MCM3AP: variants seen among roughly 807,000 people sequenced by gnomAD.
The protein encoded by MCM3AP is germinal-center associated nuclear protein.
A neutral mutation model predicts 184.1 loss-of-function variants in MCM3AP; 126 were observed. The ratio of observed to expected loss-of-function variants is 0.68; its 90% CI spans 0.59 to 0.79. The LOEUF is 0.79. MCM3AP is among the 30% of genes least tolerant of loss of function. The pLI is 0.00. For synonymous variants in MCM3AP, 1,002 were observed against 979.3 expected (o/e 1.02, Z -0.43); for missense variants, 2,496 against 2,479.2 (o/e 1.01, Z -0.14).
intron 17 of MCM3AP, among the ~76,000 whole-genome samples, chr21:46,255,334 G>A (rs552719810): frequency 2.5e-4 from 38 of 152,304 alleles, no homozygotes; most frequent in African/African-American, 9.1e-4. Context: ...AGGGCAGCGA[G>A]GGAGGGGTTG....
chr21:46,274,287 C>G (rs2081226543), intron 6 of MCM3AP, among the ~76,000 whole-genome samples: 1 of 152,218 alleles, frequency 6.6e-6, no homozygotes, highest in South Asian at 2.1e-4. Context: ...TGGGAAGATA[C>G]ATGGATAATG....
rs771411919 is a variant in MCM3AP, at chr21:46,240,932, C to G, written c.5512G>C (p.Glu1838Gln). ...HMHRNWKRST[E>Q]CAQEGRIPST... ...GGAATCCTCCCCTCTTGAGCACACT[C>G]TGTGCTCCTCTTCCAGTTACGGTGC... Residue 1838 changes from glutamate (E) to glutamine (Q), a missense_variant, in exon 26 of 28, where the codon GAG (glutamate) becomes CAG (glutamine). Glu to Gln is a conservative substitution (Grantham distance 29). This residue lies in a region of MCM3AP where 1,323 missense variants were observed against 1,273.4 expected (regional missense o/e 1.04). Coordinates refer to ENST00000291688, the MANE Select transcript of MCM3AP (RefSeq NM_003906.5). 10 of 1,613,062 alleles carry G rather than the reference C, an allele frequency of 6.2e-6. No individual in the cohort carries two copies. The highest frequency in any genetic ancestry group is 1.3e-5 in the African/African-American group (1 of 74,920).
At position 46,248,075 on chromosome 21, in the gene MCM3AP, G is replaced by A. The variant is rs1433964203; in HGVS notation, c.4291-1189C>T. On this transcript the variant is annotated intron_variant, in intron 20 of 27. Coordinates refer to ENST00000291688, the MANE Select transcript of MCM3AP (RefSeq NM_003906.5). ...CAATCCCTGGGTTAGGGAAGCAGAG[G>A]ATGCCATACCTAAAGGCTGCAGATG... Among the ~76,000 whole-genome samples the A allele has an allele frequency of 5.9e-5, 9 of 152,190 alleles. 1 individual carries two copies.
In MCM3AP at chr21:46,254,498, G is replaced by A; in HGVS notation, c.4030C>T (p.Pro1344Ser). ...GGGAGGTGCTCAGCCACGAGGGATG[G>A]CAGGTCCAGAGACGCCCATGCCACA... Reference protein sequence around the residue: ...SDVAWASLDLPSLVAEHLPGR... With the variant: ...SDVAWASLDLSSLVAEHLPGR... Residue 1344 changes from proline to serine, a missense_variant, in exon 19 of 28, where the codon CCA becomes TCA. Physicochemically the swap from Pro to Ser is moderately conservative, Grantham distance 74 (BLOSUM62 -1). Transcript: ENST00000291688. The A allele has an allele frequency of 6.2e-7, 1 of 1,614,130 alleles. No individual in the cohort carries two copies.
chr21:46,270,664 T>G (rs191221349), intron 8 of MCM3AP, 101 bp from the exon 9 acceptor site: 2 of 1,034,510 alleles, frequency 1.9e-6, no homozygotes, highest in Non-Finnish European at 1.4e-6. Context: ...ACTGGCCAGA[T>G]GCAGTGGCTC....
intron 9 of MCM3AP, among the ~76,000 whole-genome samples, chr21:46,268,589 G>A (rs895706243): frequency 7.2e-5 from 11 of 152,244 alleles, no homozygotes; most frequent in Non-Finnish European, 5.9e-5. Flanking sequence ...TGGAGACAGC[G>A]CCGTGCGGCT....
At chr21:46,236,738 C>G (rs1009741524) in intron 27 of MCM3AP, 91 bp downstream of exon 27, 4 of 886,494 alleles carry the variant, frequency 4.5e-6, no homozygotes, top group African/African-American at 3.5e-5. Context: ...ATCAAAACAT[C>G]ATAGGATAAA....
rs1301778481 is a variant in MCM3AP, at chr21:46,237,494, T to G, written c.5634-515A>C. Among the ~76,000 whole-genome samples the G allele has an allele frequency of 5.7e-5, 3 of 52,306 alleles. 1 individual carries two copies. Among genetic ancestry groups the G allele is most frequent in the African/African-American group, 2.7e-4 (3 of 11,138 alleles). The allele number at this position is 52,306 out of a possible 152,430, so 34.3% of individuals were successfully genotyped here. Reference sequence around the variant, plus strand: ...ATCTTGGCTCACTGCAACCTTGACCTCCCAAGCTCAAATGATCTCACCTCA... The same window carrying G: ...ATCTTGGCTCACTGCAACCTTGACCGCCCAAGCTCAAATGATCTCACCTCA... On this transcript the variant is annotated intron_variant, in intron 26 of 27. Coordinates refer to ENST00000291688, the MANE Select transcript of MCM3AP (RefSeq NM_003906.5).
At chr21:46,250,282 T>C (rs1311166304) in intron 20 of MCM3AP, 1 of 152,148 alleles carries the variant, frequency 6.6e-6, no homozygotes, top group Non-Finnish European at 1.5e-5. Flanking sequence ...AGTGTAGCTA[T>C]CCCGGGAAGA....
intron 20 of MCM3AP, chr21:46,249,539 G>A (rs1012170223): frequency 9.0e-6 from 4 of 444,482 alleles, no homozygotes; most frequent in Non-Finnish European, 1.8e-5. Context: ...AAACTATGAA[G>A]CAAATGTCAG....
At chr21:46,279,942 G>T in intron 4 of MCM3AP, 51 bp downstream of exon 4, 1 of 1,559,094 alleles carries the variant, frequency 6.4e-7, no homozygotes, top group Non-Finnish European at 8.7e-7. Flanking sequence ...GCTATAGGGC[G>T]CTATTTCCTG....
At chr21:46,258,828 C>T in intron 16 of MCM3AP, 111 bp downstream of exon 16, 1 of 1,163,282 alleles carries the variant, frequency 8.6e-7, no homozygotes, top group Non-Finnish European at 1.3e-6. Flanking sequence ...ATAACATTTT[C>T]CCTCATCCTT....
At position 46,266,104 on chromosome 21, in the gene MCM3AP, G is replaced by A. The variant is rs764015154; in HGVS notation, c.2852C>T (p.Ser951Leu). 21 of 1,612,402 alleles carry A rather than the reference G, an allele frequency of 1.3e-5. No homozygotes were observed. Among genetic ancestry groups the A allele is most frequent in the East Asian group, 2.2e-5 (1 of 44,866 alleles). The stretch of plus-strand genomic sequence containing the variant: ...CGTCAGCTTCCTAGTAATAAACACC[G>A]ACTTCCTGGTCTTGGATAATCCCTC... ...EPEGLSKTRK[S>L]VFITRKLTVS... The change falls in exon 11 of 28, where the codon TCG becomes TTG. Residue 951 changes from serine to leucine, a missense_variant. Physicochemically the swap from Ser to Leu is moderately radical, Grantham distance 145. This residue lies in a region of MCM3AP where 138 missense variants were observed against 191.9 expected (regional missense o/e 0.72). Transcript: ENST00000291688.
At chr21:46,250,719 C>T (rs4818829) in intron 20 of MCM3AP, 1 of 152,136 alleles carries the variant, frequency 6.6e-6, no homozygotes, top group Non-Finnish European at 1.5e-5. Context: ...CCAACATTTT[C>T]ATTTCCACCC....
chr21:46,259,120 C>T lies in MCM3AP; in HGVS notation c.3582-29G>A, dbSNP rs376368460. On this transcript the variant is annotated intron_variant, in intron 15 of 27. Transcript: ENST00000291688. ...GAAACAGGGCAATCAGCATGGAAGA[C>T]ACTGCACTTGGGGCCCACAGACACT... 4 of 1,586,546 alleles carry T rather than the reference C, an allele frequency of 2.5e-6. No individual in the cohort carries two copies. The Admixed American group carries it at 7.4e-5, about 29-fold the overall frequency.
chr21:46,257,157 T>C (rs947150443), intron 16 of MCM3AP, among the ~76,000 whole-genome samples, 171 bp from the exon 17 acceptor site: 1 of 152,170 alleles, frequency 6.6e-6, no homozygotes, highest in African/African-American at 2.4e-5. Context: ...GAGGCTGACT[T>C]GGCAATATGG....
intron 20 of MCM3AP, chr21:46,250,781 AC>A (rs2123849619): frequency 1.3e-5 from 2 of 152,362 alleles, no homozygotes; most frequent in East Asian, 3.9e-4. Flanking sequence ...TGGATTCCTG[AC>A]CCACAGATAC....
chr21:46,246,189 A>C (rs1242636409), intron 22 of MCM3AP, 118 bp downstream of exon 22: 1 of 671,726 alleles, frequency 1.5e-6, no homozygotes, highest in Non-Finnish European at 2.7e-6. Context: ...GGTGACAATA[A>C]AACCCTGTCT....
chr21:46,245,748 T>G (rs1003624802), intron 22 of MCM3AP, among the ~76,000 whole-genome samples: 5 of 152,164 alleles, frequency 3.3e-5, no homozygotes, highest in African/African-American at 1.2e-4. Context: ...GTCCTCCTGC[T>G]TCAGCCTCCG....
Sources: gnomAD v4.1 joint callset for allele counts (sites outside exome capture counted in the v4.1 genomes callset) on GRCh38, gnomAD v4.1.1 for gene constraint, gnomAD v4.1.1 regional missense constraint, MANE v1.5 for transcripts, NCBI Gene and HGNC (gene_info 2026-07-23, HGNC 2026-07-21) for gene names.